Variants in CNTN3 observed in about 807,000 individuals in gnomAD.
CNTN3 encodes contactin-3.
In CNTN3, 60 loss-of-function variants were observed where a neutral mutation model predicts 119.1. The ratio of observed to expected loss-of-function variants is 0.50; its 90% CI spans 0.41 to 0.62. The LOEUF is 0.62. Among genes scored for constraint, CNTN3 ranks in the 20% least tolerant of loss-of-function variants. The pLI is 0.00. For missense variants in CNTN3, 1,101 were observed against 1,242.4 expected (o/e 0.89, Z 1.71); for synonymous variants, 450 against 438.7 (o/e 1.03, Z -0.32).
chr3:74,358,461 T>C (rs1703992713), intron 11 of CNTN3, among the ~76,000 whole-genome samples: 1 of 151,898 alleles, frequency 6.6e-6, no homozygotes, highest in African/African-American at 2.4e-5. Context: ...AAAAATTCTG[T>C]ATTTCCCAGT....
Position 74,361,991 on chromosome 3 carries a change from C to T in CNTN3, c.1263G>A (p.Val421=), listed in dbSNP as rs964347851. The part of the protein sequence containing the change: ...SKNPMKKLVQ[V]QVGSLVSLDC... Reference sequence around the variant, plus strand: ...CCAAGCTGACCAGGCTGCCCACCTGCACCTGAACCAACTTCTTCATTGGAT... The same window carrying T: ...CCAAGCTGACCAGGCTGCCCACCTGTACCTGAACCAACTTCTTCATTGGAT... The change falls in exon 11 of 23, where the codon GTG becomes GTA. Residue 421 remains valine, a synonymous_variant. Coordinates refer to ENST00000263665, the MANE Select transcript of CNTN3 (RefSeq NM_020872.3). The T allele has an allele frequency of 6.2e-7, 1 of 1,613,756 alleles. No homozygotes were observed. Among genetic ancestry groups the T allele is most frequent in the South Asian group, 1.1e-5 (1 of 91,056 alleles).
At chr3:74,607,670 C>A (rs1296639728) in intron 1 of CNTN3, among the ~76,000 whole-genome samples, 3 of 152,148 alleles carry the variant, frequency 2.0e-5, no homozygotes, top group Admixed American at 1.3e-4. Context: ...CATTTCCATA[C>A]AGGCATCTGC....
chr3:74,317,414 T>A lies in CNTN3; in HGVS notation c.1669-14607A>T, dbSNP rs555261103. On this transcript the variant is annotated intron_variant, in intron 13 of 22. Transcript: ENST00000263665. ...GCTGGTTATTTTGCTCGTTAGTTGA[T>A]GCAGTTTCTTCCTAGCCCTGATGGT... is the stretch of plus-strand genomic sequence containing the variant. Among the ~76,000 whole-genome samples, 958 of 152,320 alleles carry A rather than the reference T, an allele frequency of 6.3e-3. 5 individuals carry two copies. Among genetic ancestry groups the A allele is most frequent in the African/African-American group, 0.022 (920 of 41,566 alleles).
At chr3:74,508,113 C>T (rs1019086238) in intron 2 of CNTN3, among the ~76,000 whole-genome samples, 2 of 152,072 alleles carry the variant, frequency 1.3e-5, no homozygotes, top group Non-Finnish European at 2.9e-5. Flanking sequence ...CCCATAATCC[C>T]CATGTGTTGA....
intron 11 of CNTN3, among the ~76,000 whole-genome samples, chr3:74,348,147 T>G (rs1703735052): frequency 6.6e-6 from 1 of 152,192 alleles, no homozygotes; most frequent in African/African-American, 2.4e-5. Context: ...CTGTATTATG[T>G]ACTTGAAATT....
chr3:74,422,083 ACT>A (rs1417081194), intron 5 of CNTN3, among the ~76,000 whole-genome samples: 3 of 152,214 alleles, frequency 2.0e-5, no homozygotes, highest in Non-Finnish European at 4.4e-5. Flanking sequence ...ACCAATATTT[ACT>A]GTTTGTTACA....
At chr3:74,421,690 A>G (rs1459797647) in intron 5 of CNTN3, among the ~76,000 whole-genome samples, 1 of 152,230 alleles carries the variant, frequency 6.6e-6, no homozygotes, top group Non-Finnish European at 1.5e-5. Flanking sequence ...GGGCAAGCAC[A>G]TGTCCTGCAG....
intron 4 of CNTN3, among the ~76,000 whole-genome samples, chr3:74,457,349 G>A (rs1376728920): frequency 1.3e-5 from 2 of 151,952 alleles, no homozygotes; most frequent in Admixed American, 6.6e-5. Flanking sequence ...GGGGTTAACA[G>A]CCACTGATTT....
chr3:74,301,838 C>T (rs758368390), intron 14 of CNTN3, 33 bp from the exon 15 acceptor site: 1 of 1,606,882 alleles, frequency 6.2e-7, no homozygotes, highest in Admixed American at 1.7e-5. Context: ...CATTGAGTAG[C>T]AGTTCCATAA....
intron 4 of CNTN3, among the ~76,000 whole-genome samples, chr3:74,460,993 T>C (rs1293379549): frequency 6.6e-6 from 1 of 151,484 alleles, no homozygotes; most frequent in Non-Finnish European, 1.5e-5. Context: ...TGAAGATGCT[T>C]TTTATGAAGT....
At chr3:74,413,479 G>T (rs527801399) in intron 5 of CNTN3, among the ~76,000 whole-genome samples, 13 of 152,274 alleles carry the variant, frequency 8.5e-5, no homozygotes, top group Non-Finnish European at 1.8e-4. Flanking sequence ...GGTAAGAACT[G>T]TAACCAGCAA....
intron 1 of CNTN3, among the ~76,000 whole-genome samples, chr3:74,561,895 C>G (rs369310125): frequency 7.9e-5 from 12 of 152,240 alleles, no homozygotes; most frequent in African/African-American, 2.4e-4. Flanking sequence ...AACACATAAT[C>G]ATGTCTTTTA....
At chr3:74,382,475 G>A (rs1027264727) in intron 5 of CNTN3, among the ~76,000 whole-genome samples, 4 of 151,896 alleles carry the variant, frequency 2.6e-5, no homozygotes, top group South Asian at 2.1e-4. Flanking sequence ...CTATCTAACC[G>A]AAATTTTGGA....
intron 21 of CNTN3, 143 bp downstream of exon 21, chr3:74,267,123 A>G: frequency 1.7e-6 from 1 of 582,152 alleles, no homozygotes; most frequent in Non-Finnish European, 3.1e-6. Context: ...AAAATTACCC[A>G]TTTTATGGAA....
chr3:74,275,485 G>A (rs1331188346), intron 20 of CNTN3, among the ~76,000 whole-genome samples: 1 of 152,100 alleles, frequency 6.6e-6, no homozygotes, highest in Non-Finnish European at 1.5e-5. Flanking sequence ...AGGGATTGTG[G>A]CCCAATCTTC....
chr3:74,580,320 T>C (rs376392752), intron 1 of CNTN3, among the ~76,000 whole-genome samples: 8 of 152,198 alleles, frequency 5.3e-5, no homozygotes, highest in African/African-American at 1.9e-4. Flanking sequence ...TAAGAAAATA[T>C]CAATCTTACA....
rs1210279014 is a variant in CNTN3, at chr3:74,291,776, C to T, written c.2517+3345G>A. ...TCAGCCACAGTCATTCCTGTGGCTC[C>T]CTTCCCAAAGCCCCCAAGATCACTT... On this transcript the variant is annotated intron_variant, in intron 19 of 22. Coordinates refer to ENST00000263665, the MANE Select transcript of CNTN3 (RefSeq NM_020872.3). 2.6e-5 allele frequency among the ~76,000 whole-genome samples: 4 copies of T among 152,112 alleles called. No individual in the cohort carries two copies. In the East Asian group the frequency reaches 7.7e-4, roughly 29 times the overall value.
At chr3:74,271,599 A>G (rs1701777186) in intron 20 of CNTN3, among the ~76,000 whole-genome samples, 1 of 152,194 alleles carries the variant, frequency 6.6e-6, no homozygotes, top group South Asian at 2.1e-4. Context: ...AATTATACAA[A>G]ACTCAGTATG....
At chr3:74,424,094 GT>G (rs1575711149) in intron 5 of CNTN3, among the ~76,000 whole-genome samples, 1 of 151,998 alleles carries the variant, frequency 6.6e-6, no homozygotes, top group East Asian at 1.9e-4. Flanking sequence ...CAAAATACGT[GT>G]TTCTCTGAGA....
Sources: gnomAD v4.1 joint callset for allele counts (sites outside exome capture counted in the v4.1 genomes callset) on GRCh38, gnomAD v4.1.1 for gene constraint, MANE v1.5 for transcripts, NCBI Gene and HGNC (gene_info 2026-07-23, HGNC 2026-07-21) for gene names.